Variants in FBXO45 observed in about 807,000 individuals in gnomAD.
FBXO45 encodes F-box protein 45, also known as F-box/SPRY domain-containing protein 1.
A neutral mutation model predicts 25.5 loss-of-function variants in FBXO45; 3 were observed. The observed-to-expected ratio is 0.12, with a 90% confidence interval of 0.05 to 0.30. The LOEUF (loss-of-function observed/expected upper bound fraction) is 0.30. Ranked by LOEUF, FBXO45 falls within the 10% of genes least tolerant of loss-of-function variation. FBXO45 has a pLI of 1.00. For synonymous variants in FBXO45, 155 were observed against 149.8 expected (o/e 1.03, Z -0.25); for missense variants, 219 against 365.0 (o/e 0.60, Z 3.26).
Position 196,569,247 on chromosome 3 carries a change from C to T in FBXO45, c.263C>T (p.Ala88Val). The T allele has an allele frequency of 6.3e-7, 1 of 1,585,518 alleles. No homozygotes were observed. Among genetic ancestry groups the T allele is most frequent in the South Asian group, 1.2e-5 (1 of 86,772 alleles). The change falls in exon 1 of 3, where the codon GCA becomes GTA. Residue 88 changes from alanine (A) to valine (V), a missense_variant. This residue lies in a region of FBXO45 where 138 missense variants were observed against 157.3 expected (regional missense o/e 0.88). Transcript: ENST00000311630. This position sits in a 1 kb window ranked among gnomAD's most constrained non-coding sequence, Gnocchi z 4.1. ...CGGAGCCTGTGCGCCCGCAGCCTGG[C>T]AGAAGAGGCTCTGCGCACGGACATC... Reference protein sequence around the residue: ...VWRSLCARSLAEEALRTDILC... With the variant: ...VWRSLCARSLVEEALRTDILC...
Position 196,586,722 on chromosome 3 carries a change from A to G in FBXO45, c.*2404A>G, listed in dbSNP as rs1736116771. ...TGTTGGCTGTATACACTTTGTAGTC[A>G]CTTTGGAATGTTGGAAGACACATCG... On this transcript the variant is annotated 3_prime_UTR_variant, in exon 3 of 3. Transcript: ENST00000311630. 1 of 152,150 alleles carries G rather than the reference A, an allele frequency of 6.6e-6. No homozygotes were observed. The highest frequency in any genetic ancestry group is 2.1e-4 in the South Asian group (1 of 4,830). The allele number at this position is 152,150 out of a possible 1,614,324, so 9.4% of individuals were successfully genotyped here.
In FBXO45 at chr3:196,571,170, A is replaced by G. The variant is rs753972334; in HGVS notation, c.318+1868A>G. ...TGTGTCGGTTTCATAAATTTTATTT[A>G]GTTTTTATTTTTCTGTAAAGTTTAT... On this transcript the variant is annotated intron_variant, in intron 1 of 2. Transcript: ENST00000311630. 3.9e-5 allele frequency among the ~76,000 whole-genome samples: 6 copies of G among 152,234 alleles called. 1 individual carries two copies. The highest frequency in any genetic ancestry group is 6.8e-3 in the Middle Eastern group (2 of 294).
intron 2 of FBXO45, among the ~76,000 whole-genome samples, chr3:196,579,481 A>G (rs1328020850): frequency 6.6e-6 from 1 of 152,230 alleles, no homozygotes; most frequent in African/African-American, 2.4e-5. Context: ...TTTGTAAGTG[A>G]AAGTCCTTAA....
chr3:196,580,176 A>AT (rs1286778166), intron 2 of FBXO45, among the ~76,000 whole-genome samples: 27 of 138,986 alleles, frequency 1.9e-4, no homozygotes, highest in African/African-American at 7.1e-4. Context: ...TTAATTTTAT[A>AT]TTTTTTTAGT....
At chr3:196,570,319 C>CTGGAAGA (rs1190215902) in intron 1 of FBXO45, among the ~76,000 whole-genome samples, 2 of 150,690 alleles carry the variant, frequency 1.3e-5, no homozygotes, top group Non-Finnish European at 2.9e-5. Flanking sequence ...CTCACCGCAA[C>CTGGAAGA]CTCCGCCTTC....
chr3:196,588,534 C>G lies in FBXO45; in HGVS notation c.*4216C>G, dbSNP rs1016950592. 1 of 152,226 alleles carries G rather than the reference C, an allele frequency of 6.6e-6. No individual in the cohort carries two copies. Among genetic ancestry groups the G allele is most frequent in the East Asian group, 1.9e-4 (1 of 5,202 alleles). 9.4% of individuals were successfully genotyped at this position (152,226 alleles called of 1,614,324 possible). A position where few individuals can be genotyped will look rare whatever the true frequency, so the allele number is the denominator to read the frequency against. On this transcript the variant is annotated 3_prime_UTR_variant, in exon 3 of 3. Transcript: ENST00000311630. This position sits in a 1 kb window ranked among gnomAD's most constrained non-coding sequence, Gnocchi z 4.2. ...TCCTCAAAAACATTCCTCAGTTTCT[C>G]TAGCTGAATGTAATCTCTCCTTGAA... is the stretch of plus-strand genomic sequence containing the variant.
rs998864892 is a variant in FBXO45, at chr3:196,588,826, T to A, written c.*4508T>A. ...AAGCAAAAATTATAGTAGCAAAAGA[T>A]GAATGAGAAATTCTGTTCTAGTCCC... On this transcript the variant is annotated 3_prime_UTR_variant, in exon 3 of 3. Transcript: ENST00000311630. This position sits in a 1 kb window ranked among gnomAD's most constrained non-coding sequence, Gnocchi z 4.2. The A allele has an allele frequency of 1.3e-5, 2 of 152,146 alleles. No individual in the cohort carries two copies. The highest frequency in any genetic ancestry group is 2.9e-5 in the Non-Finnish European group (2 of 68,028). 9.4% of individuals were successfully genotyped at this position (152,146 alleles called of 1,614,324 possible). A position where few individuals can be genotyped will look rare whatever the true frequency, so the allele number is the denominator to read the frequency against.
chr3:196,576,493 C>T (rs536308352), intron 1 of FBXO45, among the ~76,000 whole-genome samples: 5 of 152,142 alleles, frequency 3.3e-5, no homozygotes, highest in Admixed American at 6.5e-5. Context: ...GGCTGCAGTG[C>T]GCTACGATTG....
chr3:196,569,056 G>C lies in FBXO45; in HGVS notation c.72G>C (p.Ala24=). The C allele has an allele frequency of 8.6e-7, 1 of 1,159,548 alleles. No individual in the cohort carries two copies. Among genetic ancestry groups the C allele is most frequent in the Non-Finnish European group, 1.1e-6 (1 of 939,066 alleles). 71.8% of individuals were successfully genotyped at this position (1,159,548 alleles called of 1,614,324 possible). A position where few individuals can be genotyped will look rare whatever the true frequency, so the allele number is the denominator to read the frequency against. Residue 24 remains alanine (A), a synonymous_variant, in exon 1 of 3, where the codon GCG becomes GCC. Transcript: ENST00000311630. The surrounding 1 kb of genome is among the most constrained non-coding windows in gnomAD (Gnocchi z 4.1). ...GCTGTAGCGGCGGCGGCGCGGGCGCGGGCGCGGGCTCGGGCTCTGGGGCCG... is the reference window on the plus strand; with the variant it reads ...GCTGTAGCGGCGGCGGCGCGGGCGCCGGCGCGGGCTCGGGCTCTGGGGCCG... ...GAGCSGGGAG[A]GAGSGSGAAG...
intron 2 of FBXO45, among the ~76,000 whole-genome samples, chr3:196,582,865 A>T (rs2341337): frequency 0.28 from 43,030 of 152,004 alleles, 7,067 homozygotes; most frequent in East Asian, 0.66. Context: ...TGTCTTACTA[A>T]GGTGATTTTT....
At chr3:196,583,791 G>C (rs1052603940) in intron 2 of FBXO45, among the ~76,000 whole-genome samples, 1 of 152,096 alleles carries the variant, frequency 6.6e-6, no homozygotes, top group Non-Finnish European at 1.5e-5. Flanking sequence ...GCAGTGGTGC[G>C]ATACCAGCTT....
chr3:196,577,742 A>G lies in FBXO45; in HGVS notation c.608A>G (p.Asn203Ser), dbSNP rs2108727536. The change falls in exon 2 of 3, where the codon AAT (asparagine) becomes AGT (serine). Residue 203 changes from asparagine (N) to serine (S), a missense_variant. Transcript: ENST00000311630. The stretch of plus-strand genomic sequence containing the variant: ...AGCTGGGGCTGGAATCTGGTGGACA[A>G]TAATCTACTACATAATGGAGAAGTC... ...DQSWGWNLVD[N>S]NLLHNGEVNG... 1 of 1,614,010 alleles carries G rather than the reference A, an allele frequency of 6.2e-7. No homozygotes were observed. The highest frequency in any genetic ancestry group is 8.5e-7 in the Non-Finnish European group (1 of 1,179,874).
chr3:196,581,287 G>T (rs1277716522), intron 2 of FBXO45, among the ~76,000 whole-genome samples: 1 of 118,298 alleles, frequency 8.5e-6, no homozygotes, highest in Non-Finnish European at 1.6e-5. Flanking sequence ...CTGGAGTGCA[G>T]TGGCACGATC....
rs1025468017 is a variant in FBXO45 at position 196,584,047 on chromosome 3, T to C, written c.676-86T>C. On this transcript the variant is annotated intron_variant, in intron 2 of 2. Coordinates refer to ENST00000311630, the MANE Select transcript of FBXO45 (RefSeq NM_001105573.2). The surrounding 1 kb of genome is among the most constrained non-coding windows in gnomAD (Gnocchi z 4.3). Reference sequence around the variant, plus strand: ...ATAGCTTTCAGGATAATATTCTTAATATTTTCAACTTCTTGATTTGTGTCT... The same window carrying C: ...ATAGCTTTCAGGATAATATTCTTAACATTTTCAACTTCTTGATTTGTGTCT... The C allele has an allele frequency of 1.6e-6, 2 of 1,269,340 alleles. No homozygotes were observed. Among genetic ancestry groups the C allele is most frequent in the Non-Finnish European group, 2.2e-6 (2 of 899,386 alleles). The allele number at this position is 1,269,340 out of a possible 1,614,324, so 78.6% of individuals were successfully genotyped here.
intron 1 of FBXO45, among the ~76,000 whole-genome samples, chr3:196,575,289 C>G (rs559888605): frequency 1.3e-5 from 2 of 152,058 alleles, no homozygotes; most frequent in South Asian, 2.1e-4. Context: ...AACCCTGTCT[C>G]TATTCAAAAT....
At chr3:196,581,523 C>T (rs2108728776) in intron 2 of FBXO45, among the ~76,000 whole-genome samples, 1 of 152,188 alleles carries the variant, frequency 6.6e-6, no homozygotes, top group South Asian at 2.1e-4. Context: ...GCGTGAGCCA[C>T]CACACTGGGC....
chr3:196,578,747 T>C (rs62410604), intron 2 of FBXO45, among the ~76,000 whole-genome samples: 4,098 of 152,292 alleles, frequency 0.027, 151 homozygotes, highest in African/African-American at 0.082. Context: ...GCTTTGATTG[T>C]GACCCAATGC....
In FBXO45 at chr3:196,585,909, A is replaced by G. The variant is rs950257340; in HGVS notation, c.*1591A>G. 7.9e-5 allele frequency: 12 copies of G among 152,322 alleles called. No individual in the cohort carries two copies. Among genetic ancestry groups the G allele is most frequent in the Admixed American group, 2.6e-4 (4 of 15,290 alleles). 9.4% of individuals were successfully genotyped at this position (152,322 alleles called of 1,614,324 possible). A position where few individuals can be genotyped will look rare whatever the true frequency, so the allele number is the denominator to read the frequency against. On this transcript the variant is annotated 3_prime_UTR_variant, in exon 3 of 3. Coordinates refer to ENST00000311630, the MANE Select transcript of FBXO45 (RefSeq NM_001105573.2). ...TGCTCCTTGGGAGTTAAGATTGTCA[A>G]TACTCCTGTGAAGCAAGGGATTTCA...
chr3:196,570,268 T>C (rs1458239743), intron 1 of FBXO45, among the ~76,000 whole-genome samples: 170 of 84,292 alleles, frequency 2.0e-3, no homozygotes, highest in Admixed American at 0.012. Context: ...TCCCCCCCTT[T>C]TTTTTTTTTT....
Sources: allele counts gnomAD v4.1 joint callset (sites outside exome capture counted in the v4.1 genomes callset), GRCh38; gene constraint gnomAD v4.1.1; regional missense constraint gnomAD v4.1.1; non-coding constraint Gnocchi (gnomAD v3.1); transcripts MANE v1.5; gene names NCBI Gene and HGNC (gene_info 2026-07-23, HGNC 2026-07-21).